Variants in SFXN1 observed in about 807,000 individuals in gnomAD.
SFXN1 encodes the protein sideroflexin 1.
In SFXN1, 32 loss-of-function variants were observed where a neutral mutation model predicts 39.5. That is an observed-to-expected ratio of 0.81 (90% CI 0.61 to 1.09). The LOEUF (loss-of-function observed/expected upper bound fraction) is 1.09, where lower values mean the gene tolerates loss of function less well. SFXN1 is among the 50% of genes least tolerant of loss of function. SFXN1 has a pLI of 0.00. For missense variants in SFXN1, 402 were observed against 407.1 expected, an observed-to-expected ratio of 0.99 and a Z score of 0.11; for synonymous variants, 136 against 146.5, an observed-to-expected ratio of 0.93 and a Z score of 0.52.
At chr5:175,515,953 A>G (rs1257782238) in intron 7 of SFXN1, among the ~76,000 whole-genome samples, 2 of 152,194 alleles carry the variant, frequency 1.3e-5, no homozygotes, top group African/African-American at 4.8e-5. Flanking sequence ...ATCATCAGGC[A>G]CTAGATTCTC....
intron 5 of SFXN1, among the ~76,000 whole-genome samples, chr5:175,511,734 C>T (rs1760522763): frequency 7.8e-6 from 1 of 127,494 alleles, no homozygotes; most frequent in Non-Finnish European, 1.9e-5. Flanking sequence ...TGGTCTGTGC[C>T]TGACTCTGTG....
At position 175,509,100 on chromosome 5, in the gene SFXN1, C is replaced by G. The variant is rs1317985060; in HGVS notation, c.233C>G (p.Ala78Gly). The G allele has an allele frequency of 6.2e-7, 1 of 1,613,960 alleles. No individual in the cohort carries two copies. Among genetic ancestry groups the G allele is most frequent in the Non-Finnish European group, 8.5e-7 (1 of 1,179,942 alleles). ...LWRAKYIYDS[A>G]FHPDTGEKMI... Reference sequence around the variant, plus strand: ...AGAGCAAAGTACATCTATGATTCAGCTTTTCATCCTGACACTGGTGAGAAG... The same window carrying G: ...AGAGCAAAGTACATCTATGATTCAGGTTTTCATCCTGACACTGGTGAGAAG... Residue 78 changes from alanine to glycine, a missense_variant, in exon 3 of 11, where the codon GCT (alanine) becomes GGT (glycine). Coordinates refer to ENST00000321442, the MANE Select transcript of SFXN1 (RefSeq NM_022754.7).
At chr5:175,478,696 G>T in intron 1 of SFXN1, 57 bp downstream of exon 1, 1 of 152,480 alleles carries the variant, frequency 6.6e-6, no homozygotes, top group Non-Finnish European at 1.5e-5. Context: ...AGGGGGCCCG[G>T]CGGAGGCGCG....
At chr5:175,503,545 A>G (rs1265655820) in intron 2 of SFXN1, among the ~76,000 whole-genome samples, 2 of 152,260 alleles carry the variant, frequency 1.3e-5, no homozygotes, top group Admixed American at 6.5e-5. Context: ...TAGATGCCCA[A>G]AAGAAGGTAA....
chr5:175,479,040 T>G (rs1581252572), intron 1 of SFXN1, among the ~76,000 whole-genome samples: 1 of 152,346 alleles, frequency 6.6e-6, no homozygotes. Context: ...GCCCAGTGCC[T>G]GGCCCAGCGC....
At chr5:175,503,196 C>T (rs370126140) in intron 2 of SFXN1, among the ~76,000 whole-genome samples, 6 of 152,226 alleles carry the variant, frequency 3.9e-5, no homozygotes, top group East Asian at 3.9e-4. Context: ...AAATTGGACA[C>T]TTAAAGTGGA....
chr5:175,519,031 C>T (rs1222522581), intron 8 of SFXN1, among the ~76,000 whole-genome samples: 1 of 152,196 alleles, frequency 6.6e-6, no homozygotes, highest in Non-Finnish European at 1.5e-5. Context: ...AAAGGACCCT[C>T]AACACTTAAG....
At chr5:175,513,933 T>G (rs1428128969) in intron 7 of SFXN1, among the ~76,000 whole-genome samples, 1 of 150,160 alleles carries the variant, frequency 6.7e-6, no homozygotes, top group African/African-American at 2.5e-5. Flanking sequence ...CAGGTGCAGC[T>G]GGGGCACAGT....
intron 8 of SFXN1, among the ~76,000 whole-genome samples, chr5:175,519,285 G>A (rs960830777): frequency 3.9e-5 from 6 of 152,218 alleles, no homozygotes; most frequent in African/African-American, 1.4e-4. Flanking sequence ...TGAGAAAATA[G>A]TGAGGCAGTT....
chr5:175,497,174 C>CGTGA (rs1759887411), intron 2 of SFXN1, among the ~76,000 whole-genome samples: 1 of 152,148 alleles, frequency 6.6e-6, no homozygotes, highest in African/African-American at 2.4e-5. Flanking sequence ...CAGGCGTGAG[C>CGTGA]CACCATGCCT....
chr5:175,528,655 C>G lies in SFXN1; in HGVS notation c.*1921C>G, dbSNP rs1426998798. ...CTTTTCTCTGAAAGGATTAATAGAT[C>G]TGAAGCTTTGGGCCACTCAGAGCCT... On this transcript the variant is annotated 3_prime_UTR_variant, in exon 11 of 11. Transcript: ENST00000321442. 6.6e-6 allele frequency: 1 copy of G among 152,118 alleles called. No homozygotes were observed. Among genetic ancestry groups the G allele is most frequent in the African/African-American group, 2.4e-5 (1 of 41,414 alleles). The allele number at this position is 152,118 out of a possible 1,614,324, so 9.4% of individuals were successfully genotyped here.
chr5:175,494,727 G>A (rs146016646), intron 2 of SFXN1, among the ~76,000 whole-genome samples: 1,861 of 150,918 alleles, frequency 0.012, 35 homozygotes, highest in African/African-American at 0.043. Flanking sequence ...ACTCCAGCCT[G>A]GGCAACAAGC....
rs542618516 is a variant in SFXN1, at chr5:175,512,774, A to G, written c.596+578A>G. On this transcript the variant is annotated intron_variant, in intron 6 of 10. Coordinates refer to ENST00000321442, the MANE Select transcript of SFXN1 (RefSeq NM_022754.7). ...TATACAGTAGGGCCATGTGCGAGTGACTGTTTCCATGTCAGCATATTAAGT... is the reference window on the plus strand; with the variant it reads ...TATACAGTAGGGCCATGTGCGAGTGGCTGTTTCCATGTCAGCATATTAAGT... Among the ~76,000 whole-genome samples, 12 of 152,326 alleles carry G rather than the reference A, an allele frequency of 7.9e-5. No individual in the cohort carries two copies. The East Asian group carries it at 2.1e-3, about 27-fold the overall frequency.
In SFXN1 at chr5:175,492,283, GT is replaced by G. The variant is rs1166829413; in HGVS notation, c.164+22del. On this transcript the variant is annotated intron_variant, in intron 2 of 10. Transcript: ENST00000321442. ...ATGATTACAGGTAACATTAATTATTGTTTTTTGGTTTAATGTATAAATAGAT... is the reference window on the plus strand; with the variant it reads ...ATGATTACAGGTAACATTAATTATTGTTTTTGGTTTAATGTATAAATAGAT... 1 of 1,578,396 alleles carries G rather than the reference GT, an allele frequency of 6.3e-7. No individual in the cohort carries two copies. The highest frequency in any genetic ancestry group is 8.6e-7 in the Non-Finnish European group (1 of 1,164,782).
rs1434926807 is a variant in SFXN1 at position 175,499,335 on chromosome 5, A to T, written c.164+7068A>T. ...CAGGAAACACTTCATTATTCATTTC[A>T]TGAAGCTACAAGTACCCTGATGCAA... On this transcript the variant is annotated intron_variant, in intron 2 of 10. Coordinates refer to ENST00000321442, the MANE Select transcript of SFXN1 (RefSeq NM_022754.7). 2.0e-5 allele frequency among the ~76,000 whole-genome samples: 3 copies of T among 152,134 alleles called. No individual in the cohort carries two copies. In the East Asian group the frequency reaches 5.8e-4, roughly 29 times the overall value.
intron 2 of SFXN1, among the ~76,000 whole-genome samples, chr5:175,506,801 G>A (rs1760319402): frequency 1.3e-5 from 2 of 152,170 alleles, no homozygotes; most frequent in East Asian, 1.9e-4. Flanking sequence ...TGAGCAGCTG[G>A]GATTACAGTT....
chr5:175,480,216 C>A (rs998452549), intron 1 of SFXN1, among the ~76,000 whole-genome samples: 18 of 152,136 alleles, frequency 1.2e-4, no homozygotes, highest in Middle Eastern at 3.4e-3. Flanking sequence ...CCTGGCTAAG[C>A]CGGTGAAACC....
In SFXN1 at chr5:175,487,992, T is replaced by G. The variant is rs116915068; in HGVS notation, c.-9-4103T>G. Among the ~76,000 whole-genome samples, 567 of 152,312 alleles carry G rather than the reference T, an allele frequency of 3.7e-3. 6 individuals are homozygous for G. Among genetic ancestry groups the G allele is most frequent in the East Asian group, 0.029 (150 of 5,176 alleles). On this transcript the variant is annotated intron_variant, in intron 1 of 10. Transcript: ENST00000321442. Reference sequence around the variant, plus strand: ...GCGCTGCCCCCCAGCTCTGTCTGGATCTCTGCAGTAACCTTGTCACTGTTC... The same window carrying G: ...GCGCTGCCCCCCAGCTCTGTCTGGAGCTCTGCAGTAACCTTGTCACTGTTC...
At chr5:175,500,689 G>A (rs1219057696) in intron 2 of SFXN1, among the ~76,000 whole-genome samples, 2 of 152,158 alleles carry the variant, frequency 1.3e-5, no homozygotes, top group African/African-American at 4.8e-5. Context: ...GAAAAAGAAT[G>A]AAGCTGAGAA....
Sources: gnomAD v4.1 joint callset for allele counts (sites outside exome capture counted in the v4.1 genomes callset) on GRCh38, gnomAD v4.1.1 for gene constraint, MANE v1.5 for transcripts, NCBI Gene and HGNC (gene_info 2026-07-23, HGNC 2026-07-21) for gene names.